Variants in ANKRD30A observed in about 807,000 individuals in gnomAD.
ANKRD30A encodes the protein ankyrin repeat domain-containing protein 30A.
A neutral mutation model predicts 166.3 loss-of-function variants in ANKRD30A; 170 were observed. The ratio of observed to expected loss-of-function variants is 1.02; its 90% CI spans 0.90 to 1.16. The LOEUF (loss-of-function observed/expected upper bound fraction) is 1.16. ANKRD30A is among the 50% of genes most tolerant of loss of function. The pLI is 0.00. For synonymous variants in ANKRD30A, 564 were observed against 508.9 expected (o/e 1.11, Z -1.46); for missense variants, 1,630 against 1,518.0 (o/e 1.07, Z -1.23).
At chr10:37,235,765 CTTTTTTTTTT>C (rs947216787), downstream of ANKRD30A, among the ~76,000 whole-genome samples, 218 of 114,946 alleles carry the variant, frequency 1.9e-3, no homozygotes, top group African/African-American at 6.7e-3. Flanking sequence ...ATTTCATTCT[CTTTTTTTTTT>C]TTTTTTTTTT....
chr10:37,144,175 TGA>T (rs1564481091), intron 7 of ANKRD30A, among the ~76,000 whole-genome samples: 1 of 152,182 alleles, frequency 6.6e-6, no homozygotes, highest in Non-Finnish European at 1.5e-5. Context: ...GAAATTTGAG[TGA>T]ATTCACTTCA....
At chr10:37,194,944 T>G (rs1357637234) in intron 27 of ANKRD30A, among the ~76,000 whole-genome samples, 1 of 152,130 alleles carries the variant, frequency 6.6e-6, no homozygotes, top group Non-Finnish European at 1.5e-5. Flanking sequence ...ATTGGAAAAG[T>G]CCTACTTTCC....
intron 30 of ANKRD30A, 147 bp from the exon 31 acceptor site, chr10:37,201,088 G>A (rs578180426): frequency 2.0e-6 from 1 of 495,774 alleles, no homozygotes; most frequent in Non-Finnish European, 3.3e-6. Flanking sequence ...CTATTAAAAT[G>A]TTTTTTTTTA....
chr10:37,139,716 GT>G (rs1307789922), intron 6 of ANKRD30A, among the ~76,000 whole-genome samples: 1 of 152,146 alleles, frequency 6.6e-6, no homozygotes, highest in Non-Finnish European at 1.5e-5. Context: ...AAGAAACATG[GT>G]TTTATTGATT....
intron 31 of ANKRD30A, among the ~76,000 whole-genome samples, chr10:37,209,990 T>A (rs1376990315): frequency 6.6e-6 from 1 of 152,108 alleles, no homozygotes; most frequent in African/African-American, 2.4e-5. Flanking sequence ...ATAATTTAAG[T>A]TCTAGGTTAC....
Position 37,215,327 on chromosome 10 carries a change from C to G in ANKRD30A, c.2870-854C>G, listed in dbSNP as rs150851534. Among the ~76,000 whole-genome samples, 87 of 151,256 alleles carry G rather than the reference C, an allele frequency of 5.8e-4. No individual in the cohort carries two copies. In the Middle Eastern group the frequency reaches 0.014, roughly 24 times the overall value. Reference sequence around the variant, plus strand: ...TGTGATTTTCTCTAATTTTGTAAGACCCCCCCGACCCAGCTTGGTCTTAGG... The same window carrying G: ...TGTGATTTTCTCTAATTTTGTAAGAGCCCCCCGACCCAGCTTGGTCTTAGG... On this transcript the variant is annotated intron_variant, in intron 31 of 35. Transcript: ENST00000361713.
chr10:37,143,082 G>A (rs138320339), intron 7 of ANKRD30A, among the ~76,000 whole-genome samples: 3,123 of 152,298 alleles, frequency 0.021, 35 homozygotes, highest in Non-Finnish European at 0.035. Flanking sequence ...CCAGTCACTA[G>A]GAAAGCAAAT....
chr10:37,198,556 C>A lies in ANKRD30A; in HGVS notation c.2716+1076C>A, dbSNP rs1481249037. On this transcript the variant is annotated intron_variant, in intron 29 of 35. Coordinates refer to ENST00000361713, the MANE Select transcript of ANKRD30A (RefSeq NM_052997.3). ...ATATTTCCTTGTTCAATCATGCATT[C>A]CACCAAGAATTTGAACTGTGCCCCA... Among the ~76,000 whole-genome samples the A allele has an allele frequency of 4.6e-5, 7 of 151,940 alleles. No homozygotes were observed. In the East Asian group the frequency reaches 1.4e-3, roughly 29 times the overall value.
chr10:37,136,389 C>G (rs1373352590), intron 5 of ANKRD30A, among the ~76,000 whole-genome samples: 1 of 152,126 alleles, frequency 6.6e-6, no homozygotes, highest in Admixed American at 6.5e-5. Flanking sequence ...TTATACTGCC[C>G]TAAATGCATG....
intron 1 of ANKRD30A, among the ~76,000 whole-genome samples, chr10:37,128,275 C>T (rs1039908540): frequency 3.9e-5 from 6 of 151,912 alleles, no homozygotes; most frequent in Non-Finnish European, 8.8e-5. Context: ...ATGTACAATG[C>T]TATTAGTAAA....
intron 34 of ANKRD30A, among the ~76,000 whole-genome samples, chr10:37,220,338 C>T (rs1842844212): frequency 6.6e-6 from 1 of 150,988 alleles, no homozygotes; most frequent in Non-Finnish European, 1.5e-5. Flanking sequence ...TAGCAATTTA[C>T]TTTGACAGTT....
intron 27 of ANKRD30A, among the ~76,000 whole-genome samples, chr10:37,195,311 T>G (rs900397685): frequency 2.6e-5 from 4 of 152,014 alleles, no homozygotes; most frequent in African/African-American, 9.7e-5. Context: ...ATGAAAAGAG[T>G]TGGTTACAGA....
intron 1 of ANKRD30A, among the ~76,000 whole-genome samples, chr10:37,126,397 A>T (rs1836013529): frequency 6.6e-6 from 1 of 152,260 alleles, no homozygotes; most frequent in Admixed American, 6.5e-5. Flanking sequence ...ACATTATGAA[A>T]TGGTGCGTAA....
intron 29 of ANKRD30A, among the ~76,000 whole-genome samples, chr10:37,198,096 A>T (rs187451962): frequency 1.3e-5 from 2 of 152,122 alleles, no homozygotes; most frequent in African/African-American, 4.8e-5. Context: ...GTGATTCTGA[A>T]GTGTTTGGCT....
At chr10:37,197,612 T>C in intron 29 of ANKRD30A, 132 bp downstream of exon 29, 16 of 1,359,560 alleles carry the variant, frequency 1.2e-5, no homozygotes, top group South Asian at 5.6e-5. Flanking sequence ...CCAATACTGG[T>C]ATTGATGTTT....
At chr10:37,164,910 A>C (rs974169691) in intron 17 of ANKRD30A, among the ~76,000 whole-genome samples, 184 bp from the exon 18 acceptor site, 2 of 152,108 alleles carry the variant, frequency 1.3e-5, no homozygotes, top group Non-Finnish European at 2.9e-5. Flanking sequence ...GTTAATTGTC[A>C]GAGTTTTTAG....
At chr10:37,136,933 A>G (rs1362144013) in intron 6 of ANKRD30A, among the ~76,000 whole-genome samples, 1 of 151,564 alleles carries the variant, frequency 6.6e-6, no homozygotes, top group Non-Finnish European at 1.5e-5. Context: ...AAAAAATGTT[A>G]CCTGAAAAAA....
At position 37,134,056 on chromosome 10, in the gene ANKRD30A, A is replaced by G; in HGVS notation, c.755+3A>G. On this transcript the variant is annotated splice_donor_region_variant and intron_variant, in intron 5 of 35. Transcript: ENST00000361713. ...GCTGTTACTTGTGGATTTCATCAGT[A>G]AGTGTTTACGTTTAGAGGCTAGGTG... is the stretch of plus-strand genomic sequence containing the variant. 1 of 1,613,734 alleles carries G rather than the reference A, an allele frequency of 6.2e-7. No homozygotes were observed. The highest frequency in any genetic ancestry group is 2.2e-5 in the East Asian group (1 of 44,836).
chr10:37,216,603 T>A (rs1842620043), intron 32 of ANKRD30A, among the ~76,000 whole-genome samples: 1 of 151,312 alleles, frequency 6.6e-6, no homozygotes, highest in South Asian at 2.1e-4. Flanking sequence ...AATCACAGTT[T>A]TAATGGCTAT....
Sources: allele counts gnomAD v4.1 joint callset (sites outside exome capture counted in the v4.1 genomes callset), GRCh38; gene constraint gnomAD v4.1.1; transcripts MANE v1.5; gene names NCBI Gene and HGNC (gene_info 2026-07-23, HGNC 2026-07-21).